Variants in CFAP299 observed in about 807,000 individuals in gnomAD.
CFAP299 encodes cilia- and flagella-associated protein 299.
In CFAP299, 21 loss-of-function variants were observed where a neutral mutation model predicts 27.0. The ratio of observed to expected loss-of-function variants is 0.78; its 90% CI spans 0.55 to 1.12. The LOEUF is 1.12. Among genes scored for constraint, CFAP299 ranks in the 50% most tolerant of loss-of-function variants. The pLI, the probability that CFAP299 is intolerant of heterozygous loss-of-function variation, is 0.00. For missense variants in CFAP299, 310 were observed against 276.6 expected, an observed-to-expected ratio of 1.12 and a Z score of -0.86; for synonymous variants, 104 against 98.1, an observed-to-expected ratio of 1.06 and a Z score of -0.36.
chr4:80,768,369 G>GA (rs577620908), intron 3 of CFAP299, among the ~76,000 whole-genome samples: 7 of 151,648 alleles, frequency 4.6e-5, no homozygotes, highest in Admixed American at 2.0e-4. Context: ...ACAACACCAG[G>GA]AAAAAAAATC....
intron 2 of CFAP299, among the ~76,000 whole-genome samples, chr4:80,574,728 G>A (rs777379121): frequency 1.3e-5 from 2 of 151,868 alleles, no homozygotes; most frequent in Non-Finnish European, 2.9e-5. Context: ...ATATAGTTTT[G>A]GTCCTTTGTT....
intron 3 of CFAP299, among the ~76,000 whole-genome samples, chr4:80,845,989 A>T (rs1047981605): frequency 7.2e-5 from 11 of 152,164 alleles, no homozygotes; most frequent in Non-Finnish European, 5.9e-5. Flanking sequence ...TCTCTTTTCT[A>T]TAGTTCACTT....
chr4:80,940,811 A>G (rs1238614062), intron 4 of CFAP299, among the ~76,000 whole-genome samples: 1 of 152,212 alleles, frequency 6.6e-6, no homozygotes, highest in African/African-American at 2.4e-5. Flanking sequence ...TTACTCAGTT[A>G]CATACTACTG....
chr4:80,525,496 C>T (rs757988589), intron 2 of CFAP299, among the ~76,000 whole-genome samples: 8 of 152,194 alleles, frequency 5.3e-5, no homozygotes, highest in African/African-American at 9.7e-5. Context: ...GGCCATTCTC[C>T]ATCCTTCAGC....
intron 3 of CFAP299, among the ~76,000 whole-genome samples, chr4:80,866,768 C>T (rs983405856): frequency 6.6e-6 from 1 of 152,090 alleles, no homozygotes; most frequent in Admixed American, 6.6e-5. Flanking sequence ...TTAACTCTCA[C>T]AGAGCTGGAG....
chr4:80,444,036 A>G (rs1048039808), intron 2 of CFAP299, among the ~76,000 whole-genome samples: 2 of 152,218 alleles, frequency 1.3e-5, no homozygotes, highest in Non-Finnish European at 2.9e-5. Context: ...GAGAGGACAC[A>G]AAGAAATGGG....
At chr4:80,324,374 AT>A in the CFAP299 span, among the ~76,000 whole-genome samples, 1 of 152,166 alleles carries the variant, frequency 6.6e-6, no homozygotes, top group Non-Finnish European at 1.5e-5. Flanking sequence ...ATCAATTTTT[AT>A]TGTCAGTCTT....
chr4:80,562,484 G>A lies in CFAP299; in HGVS notation c.243-20609G>A, dbSNP rs1411591321. ...GTAGTGGCGGGTGCCCGTAATCCCA[G>A]CTACAAAGATTAGAGCCTTTGTTAG... On this transcript the variant is annotated intron_variant, in intron 2 of 5. Coordinates refer to ENST00000358105, the MANE Select transcript of CFAP299 (RefSeq NM_152770.3). 8.0e-5 allele frequency among the ~76,000 whole-genome samples: 12 copies of A among 150,126 alleles called. 1 individual carries two copies. In the South Asian group the frequency reaches 1.9e-3, roughly 24 times the overall value.
intron 3 of CFAP299, among the ~76,000 whole-genome samples, chr4:80,605,507 CT>C (rs1737611620): frequency 6.6e-6 from 1 of 152,166 alleles, no homozygotes; most frequent in Admixed American, 6.5e-5. Flanking sequence ...CTCTTACTGA[CT>C]TTACTACATC....
chr4:80,396,287 A>G lies in CFAP299; in HGVS notation c.242+33403A>G, dbSNP rs553149540. Among the ~76,000 whole-genome samples, 7 of 152,252 alleles carry G rather than the reference A, an allele frequency of 4.6e-5. No homozygotes were observed. The South Asian group carries it at 1.5e-3, about 32-fold the overall frequency. On this transcript the variant is annotated intron_variant, in intron 2 of 5. Transcript: ENST00000358105. The stretch of plus-strand genomic sequence containing the variant: ...TTCCAGCACTCAATAAATAATAGGG[A>G]GAGGTGTCAGGAGATGCGTAAACAG...
chr4:80,800,785 A>ATATATGTATG (rs1452423640), intron 3 of CFAP299, among the ~76,000 whole-genome samples: 13 of 137,520 alleles, frequency 9.5e-5, no homozygotes, highest in African/African-American at 3.3e-4. Flanking sequence ...ATATATGTAT[A>ATATATGTATG]CATATATATA....
intron 2 of CFAP299, among the ~76,000 whole-genome samples, chr4:80,430,562 C>T (rs1727762111): frequency 6.6e-6 from 1 of 152,154 alleles, no homozygotes; most frequent in African/African-American, 2.4e-5. Context: ...ATTATGTGTT[C>T]ATTAGCAGGG....
intron 4 of CFAP299, chr4:80,872,497 A>G (rs1024143436): frequency 2.0e-5 from 3 of 152,000 alleles, no homozygotes; most frequent in African/African-American, 7.2e-5. Flanking sequence ...TATTTTTTTC[A>G]TTTATAGAAA....
chr4:80,676,485 G>A (rs1586345), intron 3 of CFAP299, among the ~76,000 whole-genome samples: 141,934 of 152,204 alleles, frequency 0.93, 66,250 homozygotes, highest in East Asian at 1. Flanking sequence ...TAAGTTTAGA[G>A]GTATTCCCTC....
At chr4:80,678,193 G>A (rs189882111) in intron 3 of CFAP299, among the ~76,000 whole-genome samples, 13 of 151,744 alleles carry the variant, frequency 8.6e-5, no homozygotes, top group Admixed American at 2.6e-4. Context: ...AATCCTGTCC[G>A]CTCTTCTCTG....
chr4:80,601,679 C>A (rs542725806), intron 3 of CFAP299, among the ~76,000 whole-genome samples: 1 of 152,232 alleles, frequency 6.6e-6, no homozygotes, highest in African/African-American at 2.4e-5. Flanking sequence ...AGGGTCACCA[C>A]GCCACCTCAC....
intron 3 of CFAP299, among the ~76,000 whole-genome samples, chr4:80,779,854 T>C (rs1394181900): frequency 6.6e-6 from 1 of 152,036 alleles, no homozygotes; most frequent in East Asian, 1.9e-4. Context: ...GACCTTTCTT[T>C]GAAGAAAACA....
rs147882845 is a variant in CFAP299 at position 80,468,157 on chromosome 4, C to T, written c.242+105273C>T. ...TTTGTTTTAGCCCTTAAATGTAATC[C>T]GGATTTTTTACTTATAAAGTAAGAT... On this transcript the variant is annotated intron_variant, in intron 2 of 5. Coordinates refer to ENST00000358105, the MANE Select transcript of CFAP299 (RefSeq NM_152770.3). Among the ~76,000 whole-genome samples the T allele has an allele frequency of 1.4e-4, 21 of 151,646 alleles. 1 individual carries two copies. The East Asian group carries it at 2.7e-3, about 20-fold the overall frequency.
intron 2 of CFAP299, among the ~76,000 whole-genome samples, chr4:80,476,214 G>C: frequency 6.6e-6 from 1 of 152,166 alleles, no homozygotes; most frequent in Non-Finnish European, 1.5e-5. Context: ...ACAGTGTTGG[G>C]AGGGAAACTT....
Sources: allele counts gnomAD v4.1 joint callset (sites outside exome capture counted in the v4.1 genomes callset), GRCh38; gene constraint gnomAD v4.1.1; transcripts MANE v1.5; gene names NCBI Gene and HGNC (gene_info 2026-07-23, HGNC 2026-07-21).